MATN2: variants seen among roughly 807,000 people sequenced by gnomAD.
MATN2 encodes the protein matrilin 2.
MATN2 carries 69 observed loss-of-function variants against 103.2 expected under a neutral mutation model. The ratio of observed to expected loss-of-function variants is 0.67; its 90% CI spans 0.55 to 0.82. MATN2 has a LOEUF of 0.82. Among genes scored for constraint, MATN2 ranks in the 40% least tolerant of loss-of-function variants. The pLI is 0.00. For synonymous variants in MATN2, 429 were observed against 450.2 expected (o/e 0.95, Z 0.60); for missense variants, 1,023 against 1,211.5 (o/e 0.84, Z 2.31).
At chr8:97,901,807 A>T (rs1818992974) in intron 2 of MATN2, among the ~76,000 whole-genome samples, 1 of 152,146 alleles carries the variant, frequency 6.6e-6, no homozygotes, top group South Asian at 2.1e-4. Context: ...CACTCATAAA[A>T]CCATCTGGGC....
chr8:97,872,624 C>T lies in MATN2; in HGVS notation c.-27+3337C>T, dbSNP rs562621827. ...TCATTTTCTGACTTCTAAAACCTGA[C>T]TGCATTTCTTGGCTCTTGGTTCCTT... On this transcript the variant is annotated intron_variant, in intron 1 of 18. Coordinates refer to ENST00000254898, the MANE Select transcript of MATN2 (RefSeq NM_002380.5). Among the ~76,000 whole-genome samples, 3 of 152,308 alleles carry T rather than the reference C, an allele frequency of 2.0e-5. No homozygotes were observed. The South Asian group carries it at 6.2e-4, about 32-fold the overall frequency.
intron 5 of MATN2, among the ~76,000 whole-genome samples, chr8:97,976,178 G>A (rs1811830481): frequency 6.6e-6 from 1 of 151,588 alleles, no homozygotes; most frequent in African/African-American, 2.4e-5. Context: ...GGGCTGGAAT[G>A]TAGTGGTGCA....
At position 97,931,523 on chromosome 8, in the gene MATN2, G is replaced by C; in HGVS notation, c.712+1G>C. The C allele has an allele frequency of 6.3e-7, 1 of 1,598,686 alleles. No homozygotes were observed. The highest frequency in any genetic ancestry group is 8.5e-7 in the Non-Finnish European group (1 of 1,173,578). On this transcript the variant is annotated splice_donor_variant, in intron 3 of 18. Coordinates refer to ENST00000254898, the MANE Select transcript of MATN2 (RefSeq NM_002380.5). LOFTEE classifies it high-confidence loss of function. The surrounding 1 kb of genome is among the most constrained non-coding windows in gnomAD (Gnocchi z 4.1). ...TCCGTGTTCCAGAAGAAGTTGTGCA[G>C]TAAGTCCTGCTCCTTTGTCACTCTT...
At chr8:97,880,079 CTTTCTTTTT>C (rs960671310) in intron 1 of MATN2, among the ~76,000 whole-genome samples, 1 of 106,922 alleles carries the variant, frequency 9.4e-6, no homozygotes, top group Admixed American at 1.2e-4. Flanking sequence ...AAAAATCTTT[CTTTCTTTTT>C]TTTTTTTTTT....
intron 10 of MATN2, among the ~76,000 whole-genome samples, chr8:98,010,430 G>A (rs909157114): frequency 6.6e-6 from 1 of 152,192 alleles, no homozygotes; most frequent in Non-Finnish European, 1.5e-5. Flanking sequence ...CTAGGCAAGG[G>A]AATTGGCCCT....
chr8:98,033,074 C>T lies in MATN2; in HGVS notation c.2614C>T (p.Leu872=). 1 of 1,612,094 alleles carries T rather than the reference C, an allele frequency of 6.2e-7. No homozygotes were observed. The highest frequency in any genetic ancestry group is 1.1e-5 in the South Asian group (1 of 90,498). Reference sequence around the variant, plus strand: ...GCCAGTCACCATAAATATCCAAGACCTACTTTCCTGTTCTAATTTTGCAGT... The same window carrying T: ...GCCAGTCACCATAAATATCCAAGACTTACTTTCCTGTTCTAATTTTGCAGT... ...SEPVTINIQD[L]LSCSNFAVQH... Residue 872 remains leucine, a synonymous_variant, in exon 17 of 19, where the codon CTA becomes TTA. Transcript: ENST00000254898.
chr8:97,951,850 A>T (rs887469872), intron 4 of MATN2: 33 of 152,124 alleles, frequency 2.2e-4, no homozygotes, highest in African/African-American at 8.0e-4. Context: ...GAAAACCAAA[A>T]TCTTGTTAGT....
chr8:97,895,563 C>T (rs1563651704), intron 2 of MATN2, among the ~76,000 whole-genome samples: 1 of 152,216 alleles, frequency 6.6e-6, no homozygotes, highest in Non-Finnish European at 1.5e-5. Flanking sequence ...ACCCTCTCTG[C>T]CTTACATTCC....
chr8:98,002,604 C>T (rs1027518044), intron 7 of MATN2, among the ~76,000 whole-genome samples: 1 of 152,168 alleles, frequency 6.6e-6, no homozygotes, highest in Non-Finnish European at 1.5e-5. Context: ...GTGGCTCTCA[C>T]CCCAGCTCTC....
chr8:97,952,918 T>TTC (rs1554606634), intron 4 of MATN2, among the ~76,000 whole-genome samples: 1 of 130,308 alleles, frequency 7.7e-6, no homozygotes, highest in Non-Finnish European at 1.7e-5. Context: ...TTGTAGGGAT[T>TTC]TTTTTTTTTT....
At chr8:98,001,521 G>A (rs189014527) in intron 7 of MATN2, among the ~76,000 whole-genome samples, 22 of 147,934 alleles carry the variant, frequency 1.5e-4, no homozygotes, top group African/African-American at 4.2e-4. Flanking sequence ...CTGGAGTGCA[G>A]TGGCACAATC....
chr8:97,870,998 C>T (rs559992765), intron 1 of MATN2, among the ~76,000 whole-genome samples: 15 of 152,178 alleles, frequency 9.9e-5, no homozygotes, highest in Non-Finnish European at 2.1e-4. Flanking sequence ...TTCTATAAAT[C>T]GGGGCTCTGG....
At chr8:98,016,214 C>G (rs1298504881) in intron 10 of MATN2, among the ~76,000 whole-genome samples, 1 of 152,058 alleles carries the variant, frequency 6.6e-6, no homozygotes, top group East Asian at 1.9e-4. Flanking sequence ...AATCCCGTCT[C>G]CACAAAAAAT....
At chr8:98,010,067 CT>C (rs1813105385) in intron 10 of MATN2, among the ~76,000 whole-genome samples, 1 of 152,208 alleles carries the variant, frequency 6.6e-6, no homozygotes, top group African/African-American at 2.4e-5. Flanking sequence ...CATTGCACTC[CT>C]TGATTTGGCA....
Position 97,938,592 on chromosome 8 carries a change from G to C in MATN2, c.713-3185G>C, listed in dbSNP as rs189911448. Reference sequence around the variant, plus strand: ...ATGGGGAAATGGCCAAATAAAATGAGGAAAGTCATATGACCAATGGATAAA... The same window carrying C: ...ATGGGGAAATGGCCAAATAAAATGACGAAAGTCATATGACCAATGGATAAA... On this transcript the variant is annotated intron_variant, in intron 3 of 18. Coordinates refer to ENST00000254898, the MANE Select transcript of MATN2 (RefSeq NM_002380.5). Among the ~76,000 whole-genome samples, 5 of 152,240 alleles carry C rather than the reference G, an allele frequency of 3.3e-5. No homozygotes were observed. In the South Asian group the frequency reaches 1.0e-3, roughly 32 times the overall value.
At position 97,931,743 on chromosome 8, in the gene MATN2, C is replaced by T. The variant is rs551342878; in HGVS notation, c.712+221C>T. Among the ~76,000 whole-genome samples, 1 of 152,320 alleles carries T rather than the reference C, an allele frequency of 6.6e-6. No homozygotes were observed. The highest frequency in any genetic ancestry group is 2.1e-4 in the South Asian group (1 of 4,820). ...TTAGAGACAGGGTCATGCTCTGTCA[C>T]CCAGGCTGTAGTGCAGTGGCATGAT... On this transcript the variant is annotated intron_variant, in intron 3 of 18. Transcript: ENST00000254898. This position sits in a 1 kb window ranked among gnomAD's most constrained non-coding sequence, Gnocchi z 4.1.
At chr8:97,885,816 G>T (rs1380247329) in intron 1 of MATN2, among the ~76,000 whole-genome samples, 2 of 152,076 alleles carry the variant, frequency 1.3e-5, no homozygotes, top group Non-Finnish European at 2.9e-5. Flanking sequence ...GAGTTTAAAT[G>T]GTTTAAAAAG....
rs1220740492 is a variant in MATN2, at chr8:97,961,395, G to A, written c.836-13G>A. On this transcript the variant is annotated splice_polypyrimidine_tract_variant and intron_variant, in intron 4 of 18. Coordinates refer to ENST00000254898, the MANE Select transcript of MATN2 (RefSeq NM_002380.5). ...GCCTGACGTTGTGTTCTAACATCGT[G>A]ACTTTGCCTCAGTCCAGGATCTGTG... 6.2e-7 allele frequency: 1 copy of A among 1,607,362 alleles called. No homozygotes were observed. The highest frequency in any genetic ancestry group is 1.1e-5 in the South Asian group (1 of 90,038).
At chr8:98,030,060 G>A (rs1300753672) in intron 14 of MATN2, among the ~76,000 whole-genome samples, 3 of 152,210 alleles carry the variant, frequency 2.0e-5, no homozygotes, top group Non-Finnish European at 4.4e-5. Flanking sequence ...GTAGCTTTGA[G>A]TAGAAACTAG....
Sources: gnomAD v4.1 joint callset for allele counts (sites outside exome capture counted in the v4.1 genomes callset) on GRCh38, gnomAD v4.1.1 for gene constraint, Gnocchi (gnomAD v3.1) non-coding constraint, MANE v1.5 for transcripts, NCBI Gene and HGNC (gene_info 2026-07-23, HGNC 2026-07-21) for gene names.